ODF4: variants seen among roughly 807,000 people sequenced by gnomAD.
The protein encoded by ODF4 is outer dense fiber of sperm tails 4.
ODF4 carries 11 observed loss-of-function variants against 17.0 expected under a neutral mutation model. That is an observed-to-expected ratio of 0.65 (90% CI 0.41 to 1.07). The LOEUF (loss-of-function observed/expected upper bound fraction) is 1.07, where lower values mean the gene tolerates loss of function less well. Among genes scored for constraint, ODF4 ranks in the 50% least tolerant of loss-of-function variants. The pLI is 0.00. For missense variants in ODF4, 281 were observed against 310.2 expected (o/e 0.91, Z 0.71); for synonymous variants, 127 against 121.8 (o/e 1.04, Z -0.28).
In ODF4 at chr17:8,343,134, A is replaced by ATTTT. The variant is rs67338704; in HGVS notation, c.455-2197_455-2194dup. ...TTCTAAATCAAGGAGCTTATTGGAC[A>ATTTT]TTTTTTTTTTTTTTTGAGATGGAGT... is the stretch of plus-strand genomic sequence containing the variant. On this transcript the variant is annotated intron_variant, in intron 1 of 2. Coordinates refer to ENST00000328248, the MANE Select transcript of ODF4 (RefSeq NM_153007.5). Among the ~76,000 whole-genome samples the ATTTT allele has an allele frequency of 3.3e-3, 461 of 141,330 alleles. 8 individuals are homozygous for ATTTT. Among genetic ancestry groups the ATTTT allele is most frequent in the African/African-American group, 0.012 (448 of 37,860 alleles). 92.7% of individuals were successfully genotyped at this position (141,330 alleles called of 152,430 possible).
chr17:8,340,466 T>G lies in ODF4; in HGVS notation c.415T>G (p.Tyr139Asp). ...TATGTCCATGGGGCTCCTGCACTTT[T>G]ACAAATCCAGGAGCTGTTCTGACTT... ...HVMSMGLLHF[Y>D]KSRSCSDLEN... The change falls in exon 1 of 3, where the codon TAC becomes GAC. Residue 139 changes from tyrosine (Y) to aspartate (D), a missense_variant. Physicochemically the swap from Tyr to Asp is radical, Grantham distance 160. Coordinates refer to ENST00000328248, the MANE Select transcript of ODF4 (RefSeq NM_153007.5). The G allele has an allele frequency of 1.9e-6, 3 of 1,613,490 alleles. No individual in the cohort carries two copies. The highest frequency in any genetic ancestry group is 1.1e-5 in the South Asian group (1 of 91,042).
At position 8,345,491 on chromosome 17, in the gene ODF4, G is replaced by A; in HGVS notation, c.589+14G>A. Reference sequence around the variant, plus strand: ...ACTTCACCTGCGGTGAGTGGCCAGAGGGCCCTGGGGGAAGGAAGCGACATG... The same window carrying A: ...ACTTCACCTGCGGTGAGTGGCCAGAAGGCCCTGGGGGAAGGAAGCGACATG... On this transcript the variant is annotated intron_variant, in intron 2 of 2. Transcript: ENST00000328248. This position sits in a 1 kb window ranked among gnomAD's most constrained non-coding sequence, Gnocchi z 4.1. 6.2e-7 allele frequency: 1 copy of A among 1,613,180 alleles called. No individual in the cohort carries two copies. Among genetic ancestry groups the A allele is most frequent in the Non-Finnish European group, 8.5e-7 (1 of 1,179,552 alleles).
In ODF4 at chr17:8,343,815, A is replaced by AGTGTGTGT. The variant is rs61128515; in HGVS notation, c.455-1501_455-1494dup. Among the ~76,000 whole-genome samples the AGTGTGTGT allele has an allele frequency of 3.6e-4, 33 of 90,650 alleles. 4 individuals are homozygous for AGTGTGTGT. The highest frequency in any genetic ancestry group is 2.5e-3 in the South Asian group (7 of 2,782). 59.5% of individuals were successfully genotyped at this position (90,650 alleles called of 152,430 possible). ...AGGTGTGAGCCACCGCACCCAGCCA[A>AGTGTGTGT]GTGTGTGTGTGTGTGTGTGTGTGTG... On this transcript the variant is annotated intron_variant, in intron 1 of 2. Transcript: ENST00000328248.
At chr17:8,343,381 C>T (rs111631029) in intron 1 of ODF4, among the ~76,000 whole-genome samples, 4,623 of 128,044 alleles carry the variant, frequency 0.036, 1,504 homozygotes, top group African/African-American at 0.14. Flanking sequence ...GATCCGCCCA[C>T]CTCAGCCTCT....
chr17:8,345,771 T>C lies in ODF4; in HGVS notation c.693T>C (p.Ser231=). The C allele has an allele frequency of 6.2e-7, 1 of 1,614,098 alleles. No individual in the cohort carries two copies. Among genetic ancestry groups the C allele is most frequent in the Non-Finnish European group, 8.5e-7 (1 of 1,180,006 alleles). ...CSSSFGSVEE[S]PRAQTITDTP... is the part of the protein sequence containing the mutation. The stretch of plus-strand genomic sequence containing the variant: ...GCAGTTTCGGCTCAGTAGAAGAATC[T>C]CCAAGGGCACAGACGATCACAGACA... The change falls in exon 3 of 3, where the codon TCT becomes TCC. Residue 231 remains serine, a synonymous_variant. Coordinates refer to ENST00000328248, the MANE Select transcript of ODF4 (RefSeq NM_153007.5). The surrounding 1 kb of genome is among the most constrained non-coding windows in gnomAD (Gnocchi z 4.1).
intron 1 of ODF4, among the ~76,000 whole-genome samples, chr17:8,343,131 G>T (rs971095541): frequency 7.1e-6 from 1 of 140,838 alleles, no homozygotes; most frequent in African/African-American, 2.6e-5. Context: ...GAGCTTATTG[G>T]ACATTTTTTT....
In ODF4 at chr17:8,339,901, C is replaced by T. The variant is rs1257862928; in HGVS notation, c.-151C>T. ...GGGCCTTCTCTTGGATCAAGAGTCT[C>T]TTATTTGATCGAGGTCTGTTATTAG... is the stretch of plus-strand genomic sequence containing the variant. On this transcript the variant is annotated 5_prime_UTR_variant, in exon 1 of 3. Transcript: ENST00000328248. The T allele has an allele frequency of 6.0e-6, 3 of 502,974 alleles. No homozygotes were observed. The highest frequency in any genetic ancestry group is 1.0e-5 in the Non-Finnish European group (3 of 291,554). 31.2% of individuals were successfully genotyped at this position (502,974 alleles called of 1,614,324 possible).
intron 1 of ODF4, among the ~76,000 whole-genome samples, chr17:8,343,264 T>C (rs1226256535): frequency 2.0e-5 from 3 of 151,600 alleles, no homozygotes; most frequent in South Asian, 2.1e-4. Flanking sequence ...CCCCAGTAGC[T>C]GAGACTACAG....
Position 8,340,244 on chromosome 17 carries a change from C to G in ODF4, c.193C>G (p.Pro65Ala). ...GTCCTTGGGCCAGCGCCAGAACTCT[C>G]CGCTGCCCTTTCAATGGAGAATCAC... The part of the protein sequence containing the change: ...NRSLGQRQNS[P>A]LPFQWRITHS... The change falls in exon 1 of 3, where the codon CCG becomes GCG. Residue 65 changes from proline to alanine, a missense_variant. Physicochemically the swap from Pro to Ala is conservative, Grantham distance 27. Coordinates refer to ENST00000328248, the MANE Select transcript of ODF4 (RefSeq NM_153007.5). 6.2e-7 allele frequency: 1 copy of G among 1,614,178 alleles called. No homozygotes were observed. The highest frequency in any genetic ancestry group is 8.5e-7 in the Non-Finnish European group (1 of 1,179,994).
chr17:8,345,229 G>A lies in ODF4; in HGVS notation c.455-114G>A. The A allele has an allele frequency of 2.0e-6, 2 of 1,000,652 alleles. No homozygotes were observed. The highest frequency in any genetic ancestry group is 3.0e-6 in the Non-Finnish European group (2 of 669,664). 62.0% of individuals were successfully genotyped at this position (1,000,652 alleles called of 1,614,324 possible). A position where few individuals can be genotyped will look rare whatever the true frequency, so the allele number is the denominator to read the frequency against. On this transcript the variant is annotated intron_variant, in intron 1 of 2. Coordinates refer to ENST00000328248, the MANE Select transcript of ODF4 (RefSeq NM_153007.5). The surrounding 1 kb of genome is among the most constrained non-coding windows in gnomAD (Gnocchi z 4.1). ...CAGGGGTTGACTCCTGGAACCTCAG[G>A]GCCAGTCACTCTGTGTGTGGTGATG...
At position 8,345,846 on chromosome 17, in the gene ODF4, T is replaced by C. The variant is rs770466387; in HGVS notation, c.768T>C (p.His256=). Residue 256 remains histidine (H), a synonymous_variant, in exon 3 of 3, where the codon CAT becomes CAC. Transcript: ENST00000328248. This position sits in a 1 kb window ranked among gnomAD's most constrained non-coding sequence, Gnocchi z 4.1. Reference sequence around the variant, plus strand: ...TGGATCCTGAGCAGAAGGATACACATGTGTAATCTTTTCTGAACTCCTGGC... The same window carrying C: ...TGGATCCTGAGCAGAAGGATACACACGTGTAATCTTTTCTGAACTCCTGGC... The part of the protein sequence containing the change: ...GVLDPEQKDT[H]V 2 of 1,613,166 alleles carry C rather than the reference T, an allele frequency of 1.2e-6. No homozygotes were observed. Among genetic ancestry groups the C allele is most frequent in the Admixed American group, 1.7e-5 (1 of 59,936 alleles).
At position 8,345,473 on chromosome 17, in the gene ODF4, C is replaced by T. The variant is rs370133012; in HGVS notation, c.585C>T (p.Thr195=). The T allele has an allele frequency of 4.3e-6, 7 of 1,613,820 alleles. No homozygotes were observed. The African/African-American group carries it at 9.3e-5, about 22-fold the overall frequency. Reference sequence around the variant, plus strand: ...GGCTGGTGCTTATCCTATACTTCACCTGCGGTGAGTGGCCAGAGGGCCCTG... The same window carrying T: ...GGCTGGTGCTTATCCTATACTTCACTTGCGGTGAGTGGCCAGAGGGCCCTG... ...IGWLVLILYF[T]CAILCYFNHK... is the part of the protein sequence containing the mutation. Residue 195 remains threonine (T), a synonymous_variant, in exon 2 of 3, where the codon ACC becomes ACT. Coordinates refer to ENST00000328248, the MANE Select transcript of ODF4 (RefSeq NM_153007.5). The surrounding 1 kb of genome is among the most constrained non-coding windows in gnomAD (Gnocchi z 4.1).
In ODF4 at chr17:8,345,177, T is replaced by C; in HGVS notation, c.455-166T>C. On this transcript the variant is annotated intron_variant, in intron 1 of 2. Transcript: ENST00000328248. This position sits in a 1 kb window ranked among gnomAD's most constrained non-coding sequence, Gnocchi z 4.1. ...AGAACCGAGAATCGAGTTACATCAT[T>C]TCTTGGTCACAGGAGAGGTAGAAAT... is the stretch of plus-strand genomic sequence containing the variant. 1.2e-6 allele frequency: 1 copy of C among 807,938 alleles called. No homozygotes were observed. The highest frequency in any genetic ancestry group is 1.8e-5 in the South Asian group (1 of 54,872). 50.0% of individuals were successfully genotyped at this position (807,938 alleles called of 1,614,324 possible). A position where few individuals can be genotyped will look rare whatever the true frequency, so the allele number is the denominator to read the frequency against.
At chr17:8,344,984 G>T (rs1048439881) in intron 1 of ODF4, 475 of 1,028,682 alleles carry the variant, frequency 4.6e-4, no homozygotes, top group Non-Finnish European at 5.3e-4. Context: ...TGCCCTACCT[G>T]CCCGCTGTTC....
At chr17:8,343,134 AT>A (rs67338704) in intron 1 of ODF4, among the ~76,000 whole-genome samples, 2,530 of 141,112 alleles carry the variant, frequency 0.018, 57 homozygotes, top group African/African-American at 0.058. Context: ...CTTATTGGAC[AT>A]TTTTTTTTTT....
intron 1 of ODF4, among the ~76,000 whole-genome samples, chr17:8,343,177 G>C (rs1384856832): frequency 2.0e-5 from 3 of 150,598 alleles, no homozygotes; most frequent in Non-Finnish European, 4.4e-5. Context: ...TGTTGCCCAG[G>C]TTGGTGTGCA....
Position 8,339,988 on chromosome 17 carries a change from G to T in ODF4, c.-64G>T. 1 of 1,087,398 alleles carries T rather than the reference G, an allele frequency of 9.2e-7. No individual in the cohort carries two copies. The allele number at this position is 1,087,398 out of a possible 1,614,324, so 67.4% of individuals were successfully genotyped here. A position where few individuals can be genotyped will look rare whatever the true frequency, so the allele number is the denominator to read the frequency against. On this transcript the variant is annotated 5_prime_UTR_variant, in exon 1 of 3. Coordinates refer to ENST00000328248, the MANE Select transcript of ODF4 (RefSeq NM_153007.5). ...TGGCAGCTGATGAAAATATCCAAAA[G>T]ATGAGAAGAGACAATTGAGTCTGGT...
At chr17:8,341,113 C>T (rs1008075987) in intron 1 of ODF4, among the ~76,000 whole-genome samples, 4 of 151,976 alleles carry the variant, frequency 2.6e-5, no homozygotes, top group Non-Finnish European at 5.9e-5. Context: ...TTGCTTGAAC[C>T]CGGGAGGTGG....
intron 1 of ODF4, among the ~76,000 whole-genome samples, chr17:8,341,905 A>C (rs1394058242): frequency 6.6e-6 from 1 of 152,112 alleles, no homozygotes; most frequent in Non-Finnish European, 1.5e-5. Flanking sequence ...ATTATAATAA[A>C]TTTGGGGAAA....
Sources: gnomAD v4.1 joint callset for allele counts (sites outside exome capture counted in the v4.1 genomes callset) on GRCh38, gnomAD v4.1.1 for gene constraint, Gnocchi (gnomAD v3.1) non-coding constraint, MANE v1.5 for transcripts, NCBI Gene and HGNC (gene_info 2026-07-23, HGNC 2026-07-21) for gene names.